The following KHDC1 variants were observed in gnomAD, a reference collection of about 807,000 sequenced individuals.
KHDC1 encodes the protein KH domain containing 1.
Under a neutral mutation model 24.7 loss-of-function variants are expected in KHDC1, and 21 were observed. That is an observed-to-expected ratio of 0.85 (90% CI 0.60 to 1.23). KHDC1 has a LOEUF of 1.23. Among genes scored for constraint, KHDC1 ranks in the 50% most tolerant of loss-of-function variants. The pLI, the probability that KHDC1 is intolerant of heterozygous loss-of-function variation, is 0.00. For synonymous variants in KHDC1, 98 were observed against 111.7 expected (o/e 0.88, Z 0.77); for missense variants, 274 against 298.5 (o/e 0.92, Z 0.61).
chr6:73,265,827 C>A (rs1767071367), intron 2 of KHDC1, among the ~76,000 whole-genome samples: 1 of 152,046 alleles, frequency 6.6e-6, no homozygotes, highest in Non-Finnish European at 1.5e-5. Context: ...TGGCTCATAC[C>A]TGTAATCCTA....
chr6:73,283,242 T>C (rs1767447207), intron 2 of KHDC1, among the ~76,000 whole-genome samples: 1 of 152,220 alleles, frequency 6.6e-6, no homozygotes, highest in African/African-American at 2.4e-5. Flanking sequence ...ACATAAATTA[T>C]TTGAAATTCT....
chr6:73,276,858 A>G (rs1251164291), intron 2 of KHDC1, among the ~76,000 whole-genome samples: 2 of 152,200 alleles, frequency 1.3e-5, no homozygotes, highest in African/African-American at 2.4e-5. Flanking sequence ...AAGATTCAAA[A>G]TGAGTTATAA....
chr6:73,274,055 C>G (rs1435216280), intron 2 of KHDC1: 1 of 152,108 alleles, frequency 6.6e-6, no homozygotes, highest in Admixed American at 6.6e-5. Flanking sequence ...CAGTGAAATA[C>G]AATGGAGCCA....
intron 4 of KHDC1, 81 bp from the exon 4 acceptor site, chr6:73,241,809 C>T (rs1403403915): frequency 2.7e-6 from 4 of 1,477,376 alleles, no homozygotes; most frequent in Non-Finnish European, 2.8e-6. Context: ...ATCAGGGAGG[C>T]TGCAGGGAGG....
chr6:73,309,519 G>C (rs1189488689), intron 1 of KHDC1: 2 of 1,488,648 alleles, frequency 1.3e-6, no homozygotes, highest in African/African-American at 2.9e-5. Flanking sequence ...GGTGAAGGAA[G>C]CTTTTCCTAC....
In KHDC1 at chr6:73,258,098, T is replaced by C. The variant is rs557903560; in HGVS notation, c.207-15568A>G. Among the ~76,000 whole-genome samples the C allele has an allele frequency of 3.0e-4, 45 of 152,078 alleles. 1 individual carries two copies. The South Asian group carries it at 8.9e-3, about 30-fold the overall frequency. On this transcript the variant is annotated intron_variant, in intron 2 of 4. Coordinates refer to ENST00000370384, the Ensembl canonical transcript of KHDC1. ...TGGTGAAACTCTGTCTCTACTAAAA[T>C]ACAAAAATTAGCTGGGCGTGGTGGT...
chr6:73,252,002 C>T (rs1766785532), intron 2 of KHDC1, among the ~76,000 whole-genome samples: 2 of 149,962 alleles, frequency 1.3e-5, no homozygotes, highest in East Asian at 2.0e-4. Context: ...GGGTTATAGG[C>T]GTGAGCCACA....
intron 2 of KHDC1, among the ~76,000 whole-genome samples, chr6:73,288,612 C>T (rs1767565276): frequency 6.7e-6 from 1 of 148,422 alleles, no homozygotes; most frequent in South Asian, 2.1e-4. Context: ...CAGAGTAAGA[C>T]TTCGTCTTAA....
At chr6:73,267,615 T>C (rs1433481708) in intron 2 of KHDC1, among the ~76,000 whole-genome samples, 1 of 152,228 alleles carries the variant, frequency 6.6e-6, no homozygotes, top group East Asian at 1.9e-4. Context: ...GTTTAATTTG[T>C]CCTCAGAAAG....
chr6:73,258,396 T>C (rs1248586133), intron 2 of KHDC1, among the ~76,000 whole-genome samples: 2 of 152,122 alleles, frequency 1.3e-5, no homozygotes, highest in East Asian at 3.9e-4. Flanking sequence ...TGAGCCATGA[T>C]TATGCCACTG....
chr6:73,266,062 A>G (rs1202858206), intron 2 of KHDC1, among the ~76,000 whole-genome samples: 1 of 152,200 alleles, frequency 6.6e-6, no homozygotes, highest in Non-Finnish European at 1.5e-5. Context: ...CCATATGTTA[A>G]GATCAAGGTT....
chr6:73,290,990 T>C (rs1767640400), intron 2 of KHDC1: 1 of 360,780 alleles, frequency 2.8e-6, no homozygotes, highest in Non-Finnish European at 5.5e-6. Context: ...TGATCATGCC[T>C]GATCTCTACT....
At chr6:73,272,431 A>G (rs1209001736) in intron 2 of KHDC1, among the ~76,000 whole-genome samples, 1 of 150,824 alleles carries the variant, frequency 6.6e-6, no homozygotes, top group Non-Finnish European at 1.5e-5. Context: ...CACCGCGCCC[A>G]GCCCTCCTAC....
intron 2 of KHDC1, among the ~76,000 whole-genome samples, chr6:73,278,590 A>G (rs925158901): frequency 2.6e-5 from 4 of 152,166 alleles, no homozygotes; most frequent in Non-Finnish European, 5.9e-5. Context: ...CTTTTTCAGT[A>G]TCACAAATGT....
rs1767661472 is a variant in KHDC1 at position 73,291,997 on chromosome 6, C to T, written c.206+1G>A. On this transcript the variant is annotated splice_donor_variant, in intron 2 of 4. Coordinates refer to ENST00000370384, the Ensembl canonical transcript of KHDC1. LOFTEE classifies it high-confidence loss of function. ...ACGACTTAACTACTCGCATCACGCA[C>T]CTTTTGGATCGGCATCTAGTCTTTC... 1.9e-6 allele frequency: 3 copies of T among 1,613,940 alleles called. No homozygotes were observed. Among genetic ancestry groups the T allele is most frequent in the East Asian group, 2.2e-5 (1 of 44,886 alleles).
At chr6:73,263,134 A>C (rs1767015520) in intron 2 of KHDC1, 2 of 992,860 alleles carry the variant, frequency 2.0e-6, no homozygotes, top group Non-Finnish European at 2.4e-6. Flanking sequence ...TGGGCCGCGC[A>C]CCCGACCCTT....
chr6:73,263,299 G>C (rs1767021109), intron 2 of KHDC1, 103 bp from the exon 1 acceptor site: 3 of 985,312 alleles, frequency 3.0e-6, no homozygotes, highest in Non-Finnish European at 3.6e-6. Context: ...GCCCACTGCC[G>C]GCGCGCAGAG....
At chr6:73,272,273 C>T (rs1317407574) in intron 2 of KHDC1, among the ~76,000 whole-genome samples, 4 of 151,712 alleles carry the variant, frequency 2.6e-5, no homozygotes, top group East Asian at 2.0e-4. Context: ...AAGCTATTCT[C>T]CTGCCTCACT....
chr6:73,290,106 C>CAAAAA (rs140342387), intron 2 of KHDC1, among the ~76,000 whole-genome samples: 5 of 86,468 alleles, frequency 5.8e-5, no homozygotes, highest in East Asian at 3.6e-4. Context: ...GACTCCGTCT[C>CAAAAA]AAAAAAAAAA....
Sources: allele counts gnomAD v4.1 joint callset (sites outside exome capture counted in the v4.1 genomes callset), GRCh38; gene constraint gnomAD v4.1.1; transcripts MANE v1.5; gene names NCBI Gene and HGNC (gene_info 2026-07-23, HGNC 2026-07-21).